The following ZNF480 variants were observed in gnomAD, a reference collection of about 807,000 sequenced individuals.
ZNF480 encodes zinc finger protein 480.
In ZNF480, 15 loss-of-function variants were observed where a neutral mutation model predicts 14.4. The observed-to-expected ratio is 1.04, with a 90% confidence interval of 0.70 to 1.60. The LOEUF is 1.60. ZNF480 is among the 40% of genes most tolerant of loss of function. The pLI is 0.00. For missense variants in ZNF480, 593 were observed against 629.7 expected (o/e 0.94, Z 0.62); for synonymous variants, 218 against 215.5 (o/e 1.01, Z -0.10).
At chr19:52,301,726 CCCA>C (rs958935229) in intron 2 of ZNF480, 4 of 152,058 alleles carry the variant, frequency 2.6e-5, no homozygotes, top group African/African-American at 9.7e-5. Flanking sequence ...AGCAATCAAT[CCCA>C]TAATGATTAA....
intron 2 of ZNF480, chr19:52,300,846 T>A (rs1982658036): frequency 3.7e-6 from 1 of 268,440 alleles, no homozygotes; most frequent in African/African-American, 2.2e-5. Context: ...AAACAAAACA[T>A]TCTTAGCAAG....
intron 2 of ZNF480, among the ~76,000 whole-genome samples, chr19:52,305,297 C>T (rs1400021042): frequency 1.3e-5 from 2 of 152,158 alleles, no homozygotes; most frequent in East Asian, 1.9e-4. Flanking sequence ...ATGTCCTCTC[C>T]TGTATCTACC....
intron 4 of ZNF480, among the ~76,000 whole-genome samples, chr19:52,319,288 T>G (rs919562138): frequency 2.6e-5 from 4 of 152,206 alleles, no homozygotes; most frequent in Non-Finnish European, 5.9e-5. Flanking sequence ...AGAGTAGTAA[T>G]GAACTTTCTT....
At chr19:52,316,521 C>T (rs566473306) in intron 4 of ZNF480, among the ~76,000 whole-genome samples, 75 of 152,180 alleles carry the variant, frequency 4.9e-4, no homozygotes, top group African/African-American at 1.3e-3. Context: ...TGAGCTACCG[C>T]GCCCAGCTTC....
At chr19:52,300,608 G>T (rs976832760) in intron 2 of ZNF480, 124 bp downstream of exon 2, 32 of 1,530,336 alleles carry the variant, frequency 2.1e-5, no homozygotes, top group African/African-American at 2.7e-5. Flanking sequence ...GCTTACCTAT[G>T]CCTTCCCTCA....
intron 2 of ZNF480, among the ~76,000 whole-genome samples, chr19:52,305,982 T>C (rs1982909839): frequency 1.3e-5 from 2 of 152,196 alleles, no homozygotes; most frequent in Non-Finnish European, 2.9e-5. Context: ...CTACATTCTT[T>C]TTCAATATGA....
intron 3 of ZNF480, among the ~76,000 whole-genome samples, chr19:52,315,440 C>T (rs1165922417): frequency 2.0e-5 from 3 of 151,984 alleles, no homozygotes; most frequent in African/African-American, 7.2e-5. Flanking sequence ...CTTAACTGCT[C>T]GAGTAGCTGG....
chr19:52,321,447 G>A (rs1455958350), intron 4 of ZNF480, 132 bp from the exon 5 acceptor site: 1 of 745,088 alleles, frequency 1.3e-6, no homozygotes. Context: ...AGCACAACCA[G>A]CGTGATGTAC....
intron 1 of ZNF480, among the ~76,000 whole-genome samples, chr19:52,298,216 A>G (rs1982506269): frequency 6.6e-6 from 1 of 151,906 alleles, no homozygotes; most frequent in Non-Finnish European, 1.5e-5. Context: ...GGTGACAACG[A>G]GAGCAGAGGG....
chr19:52,305,219 C>T (rs1982873703), intron 2 of ZNF480, among the ~76,000 whole-genome samples: 1 of 152,174 alleles, frequency 6.6e-6, no homozygotes, highest in Non-Finnish European at 1.5e-5. Context: ...ATGCCAACTC[C>T]AACTGTGTTA....
intron 2 of ZNF480, among the ~76,000 whole-genome samples, chr19:52,304,881 G>A (rs1027094929): frequency 6.6e-6 from 1 of 151,994 alleles, no homozygotes; most frequent in South Asian, 2.1e-4. Context: ...GGTTGATCAC[G>A]AGGTCAGGAG....
rs1481135598 is a variant in ZNF480 at position 52,322,604 on chromosome 19, G to C, written c.1354G>C (p.Glu452Gln). 1 of 1,613,900 alleles carries C rather than the reference G, an allele frequency of 6.2e-7. No homozygotes were observed. Among genetic ancestry groups the C allele is most frequent in the African/African-American group, 1.3e-5 (1 of 74,876 alleles). ...LSAHLVIHTG[E>Q]KPYKCSECGK... is the part of the protein sequence containing the mutation. The stretch of plus-strand genomic sequence containing the variant: ...AGCCCATCTTGTAATCCACACTGGA[G>C]AGAAGCCTTACAAATGTAGTGAATG... The change falls in exon 5 of 5, where the codon GAG becomes CAG. Residue 452 changes from glutamate to glutamine, a missense_variant. Physicochemically the swap from Glu to Gln is conservative, Grantham distance 29 (BLOSUM62 2). Coordinates refer to ENST00000595962, the MANE Select transcript of ZNF480 (RefSeq NM_144684.4).
intron 4 of ZNF480, among the ~76,000 whole-genome samples, chr19:52,320,023 G>C (rs770046554): frequency 6.6e-6 from 1 of 151,778 alleles, no homozygotes; most frequent in Non-Finnish European, 1.5e-5. Flanking sequence ...TCACCATGTT[G>C]GTCAGGCTGG....
At chr19:52,311,291 C>G (rs771915618) in intron 2 of ZNF480, among the ~76,000 whole-genome samples, 29 of 151,814 alleles carry the variant, frequency 1.9e-4, no homozygotes, top group Non-Finnish European at 3.7e-4. Context: ...TGAGACCACC[C>G]TAGGCAACAT....
intron 3 of ZNF480, 25 bp from the exon 4 acceptor site, chr19:52,315,809 T>G (rs1202464884): frequency 1.3e-6 from 2 of 1,598,952 alleles, no homozygotes; most frequent in Non-Finnish European, 8.5e-7. Context: ...CTACAGCACA[T>G]TTTGATTTTT....
intron 2 of ZNF480, chr19:52,300,967 G>T (rs1418199670): frequency 5.8e-6 from 1 of 172,668 alleles, no homozygotes; most frequent in Non-Finnish European, 1.3e-5. Context: ...GGCAGGCCAG[G>T]TGTTCCTTGT....
chr19:52,321,428 T>C, intron 4 of ZNF480, 151 bp from the exon 5 acceptor site: 1 of 664,842 alleles, frequency 1.5e-6, no homozygotes, highest in East Asian at 2.8e-5. Flanking sequence ...CTTACCCTTT[T>C]CTATTTTCAG....
intron 4 of ZNF480, among the ~76,000 whole-genome samples, chr19:52,319,963 G>A (rs769186741): frequency 6.6e-6 from 1 of 151,836 alleles, no homozygotes; most frequent in African/African-American, 2.4e-5. Context: ...GATTACAGGT[G>A]CATGCCCCCA....
At chr19:52,299,187 TG>T (rs1982564746) in intron 1 of ZNF480, among the ~76,000 whole-genome samples, 1 of 152,146 alleles carries the variant, frequency 6.6e-6, no homozygotes. Context: ...GGGTAGGGTG[TG>T]GGCGAGTGTA....
Sources: gnomAD v4.1 joint callset for allele counts (sites outside exome capture counted in the v4.1 genomes callset) on GRCh38, gnomAD v4.1.1 for gene constraint, MANE v1.5 for transcripts, NCBI Gene and HGNC (gene_info 2026-07-23, HGNC 2026-07-21) for gene names.